The following MLXIP variants were observed in gnomAD, a reference collection of about 807,000 sequenced individuals.
The protein encoded by MLXIP is MLX interacting protein.
In MLXIP, 30 loss-of-function variants were observed where a neutral mutation model predicts 87.2. The observed-to-expected ratio is 0.34, with a 90% confidence interval of 0.26 to 0.47. MLXIP has a LOEUF of 0.47. Among genes scored for constraint, MLXIP ranks in the 20% least tolerant of loss-of-function variants. The probability of loss-of-function intolerance (pLI) is 1.00; values close to 1 mark genes in which losing one functional copy is unlikely to be tolerated. For synonymous variants in MLXIP, 530 were observed against 514.0 expected (o/e 1.03, Z -0.42); for missense variants, 1,002 against 1,240.1 (o/e 0.81, Z 2.88).
At chr12:122,132,639 G>C in intron 8 of MLXIP, 1 of 464,794 alleles carries the variant, frequency 2.2e-6, no homozygotes, top group Non-Finnish European at 3.8e-6. Flanking sequence ...TGTGCAGCTA[G>C]CTCTGCTCCG....
Position 122,137,363 on chromosome 12 carries a change from C to G in MLXIP, c.2033-106C>G. ...GCAGTTGAAAGAACCAAGTGCAATACGTGGCTAGCAGCGAGCACCTCATAA... is the reference window on the plus strand; with the variant it reads ...GCAGTTGAAAGAACCAAGTGCAATAGGTGGCTAGCAGCGAGCACCTCATAA... On this transcript the variant is annotated intron_variant, in intron 11 of 16. Transcript: ENST00000319080. The surrounding 1 kb of genome is among the most constrained non-coding windows in gnomAD (Gnocchi z 4.1). The G allele has an allele frequency of 7.9e-7, 1 of 1,264,784 alleles. No homozygotes were observed. 78.3% of individuals were successfully genotyped at this position (1,264,784 alleles called of 1,614,324 possible).
At chr12:122,112,952 C>T (rs1053997836) in intron 1 of MLXIP, among the ~76,000 whole-genome samples, 3 of 143,128 alleles carry the variant, frequency 2.1e-5, no homozygotes, top group South Asian at 2.3e-4. Flanking sequence ...TTGTTAAGTA[C>T]GACACAAAAA....
rs1054379012 is a variant in MLXIP, at chr12:122,116,834, C to T, written c.414-10422C>T. Among the ~76,000 whole-genome samples, 21 of 152,122 alleles carry T rather than the reference C, an allele frequency of 1.4e-4. 1 individual carries two copies. Among genetic ancestry groups the T allele is most frequent in the South Asian group, 2.1e-4 (1 of 4,826 alleles). On this transcript the variant is annotated intron_variant, in intron 1 of 16. Coordinates refer to ENST00000319080, the MANE Select transcript of MLXIP (RefSeq NM_014938.6). ...ACTGTTTTGCAGAAGGTGGGCTGGG[C>T]CGGGCCAGCCTGGGTGACGAGGCCA...
At chr12:122,129,772 C>T in intron 5 of MLXIP, 143 bp downstream of exon 5, 1 of 1,308,824 alleles carries the variant, frequency 7.6e-7, no homozygotes. Context: ...AGCAGTCCAG[C>T]TCTCTCTCCT....
rs1033293873 is a variant in MLXIP, at chr12:122,142,451, C to T, written c.*639C>T. 3 of 399,086 alleles carry T rather than the reference C, an allele frequency of 7.5e-6. No individual in the cohort carries two copies. Among genetic ancestry groups the T allele is most frequent in the African/African-American group, 6.2e-5 (3 of 48,668 alleles). The allele number at this position is 399,086 out of a possible 1,614,324, so 24.7% of individuals were successfully genotyped here. Reference sequence around the variant, plus strand: ...GCAGAAACGGTGGATGTGGAACACACAGGACCAGAATGGAAGCGTGTGATG... The same window carrying T: ...GCAGAAACGGTGGATGTGGAACACATAGGACCAGAATGGAAGCGTGTGATG... On this transcript the variant is annotated 3_prime_UTR_variant, in exon 17 of 17. Coordinates refer to ENST00000319080, the MANE Select transcript of MLXIP (RefSeq NM_014938.6).
intron 1 of MLXIP, among the ~76,000 whole-genome samples, chr12:122,104,913 T>TC (rs1565966775): frequency 2.0e-5 from 3 of 152,100 alleles, no homozygotes; most frequent in Non-Finnish European, 2.9e-5. Context: ...CCTTCTGCCT[T>TC]CCCCCCGTGG....
At chr12:122,127,821 C>A in intron 2 of MLXIP, 62 bp from the exon 3 acceptor site, 1 of 1,380,678 alleles carries the variant, frequency 7.2e-7, no homozygotes, top group South Asian at 1.2e-5. Context: ...GTGCAGCAGA[C>A]AGGCTGGGGC....
chr12:122,083,974 C>T (rs1282545331), intron 1 of MLXIP, among the ~76,000 whole-genome samples: 2 of 152,188 alleles, frequency 1.3e-5, no homozygotes, highest in African/African-American at 4.8e-5. Context: ...TGCGCCGTTG[C>T]AGGGTGTGCA....
chr12:122,104,024 C>T (rs1478135082), intron 1 of MLXIP, among the ~76,000 whole-genome samples: 1 of 152,048 alleles, frequency 6.6e-6, no homozygotes, highest in Non-Finnish European at 1.5e-5. Flanking sequence ...AACTATATTC[C>T]AATAAAGCTG....
chr12:122,108,186 G>A (rs1439193853), intron 1 of MLXIP, among the ~76,000 whole-genome samples: 1 of 151,916 alleles, frequency 6.6e-6, no homozygotes, highest in Non-Finnish European at 1.5e-5. Flanking sequence ...TGGCCAACAC[G>A]GTGAAACCTC....
At chr12:122,100,050 A>G (rs1171452173) in intron 1 of MLXIP, among the ~76,000 whole-genome samples, 1 of 152,170 alleles carries the variant, frequency 6.6e-6, no homozygotes, top group Non-Finnish European at 1.5e-5. Context: ...CCAGACAGCC[A>G]AGTTCAAGTG....
chr12:122,118,834 G>C (rs1362890634), intron 1 of MLXIP, among the ~76,000 whole-genome samples: 1 of 137,508 alleles, frequency 7.3e-6, no homozygotes, highest in East Asian at 2.1e-4. Flanking sequence ...GACAGAGTGA[G>C]ACTCCCATCT....
chr12:122,126,362 G>A (rs4758690), intron 1 of MLXIP, among the ~76,000 whole-genome samples: 76,837 of 152,058 alleles, frequency 0.51, 19,923 homozygotes, highest in Middle Eastern at 0.64. Context: ...CCGTGAGACC[G>A]TCCCCGAGTG....
Position 122,129,594 on chromosome 12 carries a change from C to G in MLXIP, c.703C>G (p.Gln235Glu). The G allele has an allele frequency of 6.2e-7, 1 of 1,613,666 alleles. No individual in the cohort carries two copies. The highest frequency in any genetic ancestry group is 8.5e-7 in the Non-Finnish European group (1 of 1,179,834). ...CCTGTCCCTTTGCCCACAGCTACAGCAGCACAAGGATGAGGACCTCTCCAG... is the reference window on the plus strand; with the variant it reads ...CCTGTCCCTTTGCCCACAGCTACAGGAGCACAAGGATGAGGACCTCTCCAG... ...WRTYFKKRLQ[Q>E]HKDEDLSSLV... is the part of the protein sequence containing the mutation. Residue 235 changes from glutamine to glutamate, a missense_variant, in exon 5 of 17, where the codon CAG (glutamine) becomes GAG (glutamate). Gln to Glu is a conservative substitution (Grantham distance 29, BLOSUM62 2). Around this residue, in one of 3 missense-constraint regions of MLXIP, gnomAD observed 127 missense variants for 239.0 expected, o/e 0.53. Transcript: ENST00000319080.
At chr12:122,090,304 T>C (rs949118218) in intron 1 of MLXIP, among the ~76,000 whole-genome samples, 3 of 152,152 alleles carry the variant, frequency 2.0e-5, no homozygotes, top group African/African-American at 4.8e-5. Flanking sequence ...GAGACCAGCC[T>C]GGCCAACATG....
At chr12:122,082,043 A>AC (rs1302070520) in intron 1 of MLXIP, among the ~76,000 whole-genome samples, 1 of 152,108 alleles carries the variant, frequency 6.6e-6, no homozygotes, top group Non-Finnish European at 1.5e-5. Context: ...GTTATTTTTT[A>AC]CCGAGTCCTG....
intron 1 of MLXIP, among the ~76,000 whole-genome samples, chr12:122,080,941 T>A (rs947720037): frequency 1.3e-5 from 2 of 152,146 alleles, no homozygotes; most frequent in Non-Finnish European, 2.9e-5. Flanking sequence ...AGGGAGAGAA[T>A]GGATGAGTCA....
rs1953241176 is a variant in MLXIP, at chr12:122,143,218, T to C, written c.*1406T>C. On this transcript the variant is annotated 3_prime_UTR_variant, in exon 17 of 17. Transcript: ENST00000319080. ...TTCCTGCAGGGCCTGGGAAGGGCTT[T>C]GAGGGAGCCTGGGAGCCATGTGAAG... 1 of 152,360 alleles carries C rather than the reference T, an allele frequency of 6.6e-6. No homozygotes were observed. Among genetic ancestry groups the C allele is most frequent in the South Asian group, 2.1e-4 (1 of 4,830 alleles). The allele number at this position is 152,360 out of a possible 1,614,324, so 9.4% of individuals were successfully genotyped here.
At chr12:122,095,195 T>G (rs1952333802) in intron 1 of MLXIP, among the ~76,000 whole-genome samples, 1 of 145,134 alleles carries the variant, frequency 6.9e-6, no homozygotes, top group South Asian at 2.2e-4. Flanking sequence ...GTGTGTGTGG[T>G]GTGTGGTGTG....
Sources: allele counts gnomAD v4.1 joint callset (sites outside exome capture counted in the v4.1 genomes callset), GRCh38; gene constraint gnomAD v4.1.1; regional missense constraint gnomAD v4.1.1; non-coding constraint Gnocchi (gnomAD v3.1); transcripts MANE v1.5; gene names NCBI Gene and HGNC (gene_info 2026-07-23, HGNC 2026-07-21).